VWA3B: variants seen among roughly 807,000 people sequenced by gnomAD.
VWA3B encodes von Willebrand factor A domain containing 3B.
VWA3B carries 138 observed loss-of-function variants against 158.3 expected under a neutral mutation model. That is an observed-to-expected ratio of 0.87 (90% CI 0.76 to 1.00). The LOEUF (loss-of-function observed/expected upper bound fraction) is 1.00, where lower values mean the gene tolerates loss of function less well. Among genes scored for constraint, VWA3B ranks in the 50% least tolerant of loss-of-function variants. The pLI is 0.00. For synonymous variants in VWA3B, 596 were observed against 587.3 expected, an observed-to-expected ratio of 1.01 and a Z score of -0.21; for missense variants, 1,555 against 1,565.1, an observed-to-expected ratio of 0.99 and a Z score of 0.11.
At chr2:98,090,946 A>G (rs1190799520) in intron 1 of VWA3B, among the ~76,000 whole-genome samples, 1 of 151,518 alleles carries the variant, frequency 6.6e-6, no homozygotes, top group Non-Finnish European at 1.5e-5. Flanking sequence ...ATTAGTAGAG[A>G]TGAGTCCTCC....
At chr2:98,172,964 C>T (rs1241859615) in intron 8 of VWA3B, among the ~76,000 whole-genome samples, 1 of 152,012 alleles carries the variant, frequency 6.6e-6, no homozygotes, top group Non-Finnish European at 1.5e-5. Flanking sequence ...AATCTTTGAC[C>T]CCTAGTTTTT....
At chr2:98,242,062 G>C (rs1421654762) in intron 19 of VWA3B, among the ~76,000 whole-genome samples, 1 of 152,158 alleles carries the variant, frequency 6.6e-6, no homozygotes, top group African/African-American at 2.4e-5. Context: ...GAATGGAGTT[G>C]AAAAGGAAAC....
At chr2:98,165,773 A>G (rs1439163729) in intron 8 of VWA3B, among the ~76,000 whole-genome samples, 1 of 152,048 alleles carries the variant, frequency 6.6e-6, no homozygotes, top group African/African-American at 2.4e-5. Flanking sequence ...TGTTCCTGAG[A>G]GGGACCTAAT....
At chr2:98,198,426 C>G (rs1400522213) in intron 12 of VWA3B, among the ~76,000 whole-genome samples, 1 of 152,038 alleles carries the variant, frequency 6.6e-6, no homozygotes, top group African/African-American at 2.4e-5. Flanking sequence ...ACTTTCTTAC[C>G]CAATCTCTTT....
intron 14 of VWA3B, among the ~76,000 whole-genome samples, chr2:98,226,716 A>C (rs1195187666): frequency 1.3e-5 from 2 of 152,226 alleles, no homozygotes; most frequent in Non-Finnish European, 2.9e-5. Context: ...AACTCTTAAA[A>C]CTTAACAGTA....
At position 98,093,240 on chromosome 2, in the gene VWA3B, T is replaced by C. The variant is rs1015714136; in HGVS notation, c.148T>C (p.Leu50=). Residue 50 remains leucine, a synonymous_variant, in exon 2 of 28, where the codon TTG becomes CTG. Transcript: ENST00000477737. ...LQLHGLKSNK[L]TLKQILSQIG... ...ACTGCATGGGCTTAAGAGCAACAAA[T>C]TGACCTTGAAACAGATTTTGTCACA... The C allele has an allele frequency of 3.1e-6, 5 of 1,614,156 alleles. No homozygotes were observed. The highest frequency in any genetic ancestry group is 4.2e-6 in the Non-Finnish European group (5 of 1,180,012).
chr2:98,202,789 A>G (rs1036116537), intron 12 of VWA3B, among the ~76,000 whole-genome samples: 2 of 152,122 alleles, frequency 1.3e-5, no homozygotes, highest in Non-Finnish European at 2.9e-5. Context: ...TTTGGAATTA[A>G]CGTTTGCATA....
At chr2:98,196,202 A>G (rs1439125419) in intron 12 of VWA3B, among the ~76,000 whole-genome samples, 1 of 152,188 alleles carries the variant, frequency 6.6e-6, no homozygotes, top group East Asian at 1.9e-4. Flanking sequence ...GCTCTATTGT[A>G]CAACATGGTA....
intron 2 of VWA3B, among the ~76,000 whole-genome samples, chr2:98,105,553 T>G (rs181746866): frequency 1.3e-3 from 205 of 152,298 alleles, no homozygotes; most frequent in Admixed American, 5.2e-3. Context: ...AATTTTACAT[T>G]TAGCCTGTGA....
chr2:98,258,984 T>G (rs1309334302), intron 21 of VWA3B, among the ~76,000 whole-genome samples: 8 of 151,772 alleles, frequency 5.3e-5, no homozygotes, highest in Non-Finnish European at 1.2e-4. Flanking sequence ...AAGTGTGTGT[T>G]AAATTTTGTC....
At chr2:98,292,007 G>A (rs1332077354) in intron 23 of VWA3B, 1 of 151,634 alleles carries the variant, frequency 6.6e-6, no homozygotes, top group Non-Finnish European at 1.5e-5. Context: ...ACTTTGAGAG[G>A]CCGAGGCTGG....
Position 98,297,973 on chromosome 2 carries a change from T to G in VWA3B, c.3224T>G (p.Val1075Gly), listed in dbSNP as rs762016288. The change falls in exon 24 of 28, where the codon GTC (valine) becomes GGC (glycine). Residue 1075 changes from valine (V) to glycine (G), a missense_variant. Coordinates refer to ENST00000477737, the MANE Select transcript of VWA3B (RefSeq NM_144992.5). ...GGCTTCAGTTACGGAGACACCAAGG[T>G]CGTGTCCACCTCCTTCATCACGCCT... ...LVGFSYGDTK[V>G]VSTSFITPVG... 6.3e-7 allele frequency: 1 copy of G among 1,589,210 alleles called. No individual in the cohort carries two copies. The highest frequency in any genetic ancestry group is 8.6e-7 in the Non-Finnish European group (1 of 1,167,862).
intron 19 of VWA3B, among the ~76,000 whole-genome samples, chr2:98,247,893 G>A (rs1214447302): frequency 6.6e-6 from 1 of 151,956 alleles, no homozygotes; most frequent in Non-Finnish European, 1.5e-5. Flanking sequence ...CTTTTAAAAT[G>A]TCTATTAATA....
intron 7 of VWA3B, among the ~76,000 whole-genome samples, chr2:98,157,519 G>A (rs1195930824): frequency 6.6e-6 from 1 of 152,090 alleles, no homozygotes; most frequent in Non-Finnish European, 1.5e-5. Context: ...GATGCAATGT[G>A]GCCCTTTTAC....
chr2:98,171,609 C>A (rs1403131379), intron 8 of VWA3B, among the ~76,000 whole-genome samples: 1 of 152,010 alleles, frequency 6.6e-6, no homozygotes, highest in Non-Finnish European at 1.5e-5. Context: ...GGGGTTCACC[C>A]TCAATTTCAT....
At chr2:98,137,819 T>G (rs1676402821) in intron 7 of VWA3B, among the ~76,000 whole-genome samples, 2 of 152,056 alleles carry the variant, frequency 1.3e-5, no homozygotes, top group African/African-American at 4.8e-5. Context: ...ACTTGTTAAT[T>G]GATGAATTTG....
intron 7 of VWA3B, among the ~76,000 whole-genome samples, chr2:98,153,957 GCTCAAGCGATTCTC>G (rs1251454948): frequency 2.0e-5 from 3 of 152,102 alleles, no homozygotes; most frequent in Non-Finnish European, 4.4e-5. Flanking sequence ...TGCTTCCAGG[GCTCAAGCGATTCTC>G]CTGCCTCAGC....
At chr2:98,103,011 A>G (rs749970113) in intron 2 of VWA3B, among the ~76,000 whole-genome samples, 2 of 152,232 alleles carry the variant, frequency 1.3e-5, no homozygotes, top group Admixed American at 6.5e-5. Context: ...TTTCCTCAAC[A>G]GTATTTTCTA....
At chr2:98,131,811 A>G (rs1395402877) in intron 6 of VWA3B, among the ~76,000 whole-genome samples, 1 of 152,166 alleles carries the variant, frequency 6.6e-6, no homozygotes. Context: ...CTGCCCAGAG[A>G]GCTTGATTGA....
Sources: gnomAD v4.1 joint callset for allele counts (sites outside exome capture counted in the v4.1 genomes callset) on GRCh38, gnomAD v4.1.1 for gene constraint, MANE v1.5 for transcripts, NCBI Gene and HGNC (gene_info 2026-07-23, HGNC 2026-07-21) for gene names.